Variants in RALGAPA2 observed in about 807,000 individuals in gnomAD.
RALGAPA2 encodes ral GTPase-activating protein subunit alpha-2.
In RALGAPA2, 139 loss-of-function variants were observed where a neutral mutation model predicts 230.4. The ratio of observed to expected loss-of-function variants is 0.60; its 90% confidence interval spans 0.53 to 0.69. The LOEUF is 0.69. RALGAPA2 is among the 30% of genes least tolerant of loss of function. The probability of loss-of-function intolerance (pLI) is 0.00; values close to 1 mark genes in which losing one functional copy is unlikely to be tolerated. For missense variants in RALGAPA2, 2,163 were observed against 2,276.0 expected, an observed-to-expected ratio of 0.95 and a Z score of 1.01; for synonymous variants, 847 against 837.8, an observed-to-expected ratio of 1.01 and a Z score of -0.19.
Position 20,629,607 on chromosome 20 carries a change from A to G in RALGAPA2, c.1006-17T>C. On this transcript the variant is annotated splice_polypyrimidine_tract_variant and intron_variant, in intron 9 of 39. Transcript: ENST00000202677. ...ACCAACAGTCTGGAAGAAAGTCAGC[A>G]CACTTCTCAATGATGCTCACCCCCA... is the stretch of plus-strand genomic sequence containing the variant. The G allele has an allele frequency of 6.2e-7, 1 of 1,611,352 alleles. No homozygotes were observed. The highest frequency in any genetic ancestry group is 2.2e-5 in the East Asian group (1 of 44,850).
intron 6 of RALGAPA2, among the ~76,000 whole-genome samples, chr20:20,640,164 A>G (rs1299521650): frequency 1.3e-5 from 2 of 152,220 alleles, no homozygotes; most frequent in Non-Finnish European, 2.9e-5. Context: ...TCATTAAGCA[A>G]TAACGCAATA....
chr20:20,477,553 A>G (rs1270173434), intron 36 of RALGAPA2, among the ~76,000 whole-genome samples: 1 of 152,198 alleles, frequency 6.6e-6, no homozygotes, highest in Non-Finnish European at 1.5e-5. Context: ...TCATAAATAA[A>G]TTTTAATGGA....
chr20:20,527,312 C>T (rs1602657482), intron 27 of RALGAPA2, among the ~76,000 whole-genome samples: 1 of 152,192 alleles, frequency 6.6e-6, no homozygotes, highest in Admixed American at 6.5e-5. Context: ...ACTACCCCTA[C>T]CTGAGAGGCA....
chr20:20,494,371 GTTTAA>G (rs1255085493), intron 36 of RALGAPA2, among the ~76,000 whole-genome samples: 4 of 152,162 alleles, frequency 2.6e-5, no homozygotes, highest in Non-Finnish European at 4.4e-5. Context: ...ATATGCTAAT[GTTTAA>G]TTTAAGAACT....
chr20:20,654,033 G>C (rs2067498463), intron 3 of RALGAPA2, among the ~76,000 whole-genome samples: 1 of 152,092 alleles, frequency 6.6e-6, no homozygotes, highest in African/African-American at 2.4e-5. Flanking sequence ...GAATGAGACT[G>C]TAAACAACTC....
intron 38 of RALGAPA2, among the ~76,000 whole-genome samples, chr20:20,401,308 C>T (rs1189362322): frequency 6.6e-6 from 1 of 152,052 alleles, no homozygotes; most frequent in Non-Finnish European, 1.5e-5. Context: ...GAAGAAAAAT[C>T]CCCTGGGGCA....
chr20:20,442,656 G>T (rs2060763167), intron 37 of RALGAPA2, among the ~76,000 whole-genome samples: 1 of 152,210 alleles, frequency 6.6e-6, no homozygotes, highest in Non-Finnish European at 1.5e-5. Flanking sequence ...GTATTACAAT[G>T]TACGGTTCCA....
intron 7 of RALGAPA2, among the ~76,000 whole-genome samples, chr20:20,637,878 A>C (rs1383825021): frequency 6.6e-6 from 1 of 152,222 alleles, no homozygotes; most frequent in Admixed American, 6.5e-5. Context: ...TAAACTCAGA[A>C]AAAGGCCATT....
intron 37 of RALGAPA2, among the ~76,000 whole-genome samples, chr20:20,461,338 ATATTCT>A (rs1308210434): frequency 6.6e-6 from 1 of 152,204 alleles, no homozygotes; most frequent in Non-Finnish European, 1.5e-5. Context: ...ATTTTTACTG[ATATTCT>A]TATTAAAATT....
intron 12 of RALGAPA2, among the ~76,000 whole-genome samples, chr20:20,616,737 C>T (rs910547113): frequency 5.3e-5 from 8 of 152,010 alleles, no homozygotes; most frequent in African/African-American, 1.9e-4. Flanking sequence ...CAGAAACAGA[C>T]GAAGCCATCG....
At chr20:20,424,171 G>C (rs759497085) in intron 37 of RALGAPA2, among the ~76,000 whole-genome samples, 1 of 152,164 alleles carries the variant, frequency 6.6e-6, no homozygotes, top group Non-Finnish European at 1.5e-5. Flanking sequence ...CCAGGGGATT[G>C]ATTTGTGAAG....
At chr20:20,460,166 G>A (rs1001569319) in intron 37 of RALGAPA2, among the ~76,000 whole-genome samples, 3 of 151,998 alleles carry the variant, frequency 2.0e-5, no homozygotes, top group Admixed American at 6.5e-5. Flanking sequence ...CTGGGAGAAC[G>A]AGCGAGGGGC....
chr20:20,650,997 G>A (rs1281201374), intron 4 of RALGAPA2, among the ~76,000 whole-genome samples: 2 of 152,280 alleles, frequency 1.3e-5, no homozygotes, highest in South Asian at 2.1e-4. Flanking sequence ...TGCAACACCC[G>A]AATAAGGCTA....
chr20:20,502,156 C>T (rs545917040), intron 35 of RALGAPA2, among the ~76,000 whole-genome samples: 2 of 152,216 alleles, frequency 1.3e-5, no homozygotes, highest in South Asian at 4.1e-4. Context: ...TTAAGGGTTG[C>T]CACAAATATC....
chr20:20,421,551 C>T (rs1048580142), intron 37 of RALGAPA2, among the ~76,000 whole-genome samples: 2 of 152,078 alleles, frequency 1.3e-5, no homozygotes, highest in African/African-American at 4.8e-5. Context: ...ATGCCTGTAA[C>T]CCCAGCTACT....
chr20:20,487,569 G>C (rs1456327281), intron 36 of RALGAPA2, among the ~76,000 whole-genome samples: 1 of 152,114 alleles, frequency 6.6e-6, no homozygotes, highest in Non-Finnish European at 1.5e-5. Context: ...AGAAGGCGTT[G>C]GTATTAAGTG....
chr20:20,521,611 CTGGT>C (rs149792030), intron 30 of RALGAPA2, among the ~76,000 whole-genome samples: 237 of 152,330 alleles, frequency 1.6e-3, no homozygotes, highest in African/African-American at 5.5e-3. Context: ...TGAAAGTTCA[CTGGT>C]TGTTTACAAA....
chr20:20,603,856 T>C (rs1172299196), intron 15 of RALGAPA2, among the ~76,000 whole-genome samples: 1 of 152,204 alleles, frequency 6.6e-6, no homozygotes, highest in Non-Finnish European at 1.5e-5. Context: ...ACTGATACTG[T>C]CTATAAGGCA....
At chr20:20,445,684 C>T (rs1288303182) in intron 37 of RALGAPA2, among the ~76,000 whole-genome samples, 2 of 152,206 alleles carry the variant, frequency 1.3e-5, no homozygotes, top group Non-Finnish European at 2.9e-5. Flanking sequence ...TGCCAAAAAA[C>T]TTCTGATTAA....
Sources: allele counts gnomAD v4.1 joint callset (sites outside exome capture counted in the v4.1 genomes callset), GRCh38; gene constraint gnomAD v4.1.1; transcripts MANE v1.5; gene names NCBI Gene and HGNC (gene_info 2026-07-23, HGNC 2026-07-21).